AFF3: variants seen among roughly 807,000 people sequenced by gnomAD.
The protein encoded by AFF3 is AF4/FMR2 family member 3.
Under a neutral mutation model 129.7 loss-of-function variants are expected in AFF3, and 32 were observed. The observed-to-expected ratio is 0.25, with a 90% confidence interval of 0.19 to 0.33. The LOEUF (loss-of-function observed/expected upper bound fraction) is 0.33, where lower values mean the gene tolerates loss of function less well. AFF3 is among the 10% of genes least tolerant of loss of function. The pLI is 1.00. For synonymous variants in AFF3, 644 were observed against 635.4 expected (o/e 1.01, Z -0.20); for missense variants, 1,373 against 1,592.0 (o/e 0.86, Z 2.34).
chr2:99,817,458 C>T (rs1687329310), intron 8 of AFF3, among the ~76,000 whole-genome samples: 1 of 152,198 alleles, frequency 6.6e-6, no homozygotes. Flanking sequence ...AAGGAGTTTT[C>T]TGTTTCTTTG....
At chr2:100,107,403 A>T (rs1261181203) in intron 2 of AFF3, 1 of 985,280 alleles carries the variant, frequency 1.0e-6, no homozygotes, top group Non-Finnish European at 1.2e-6. Flanking sequence ...TACAAAGCAA[A>T]AAAAGGGTTT....
At chr2:99,687,900 C>T (rs527441774) in intron 11 of AFF3, among the ~76,000 whole-genome samples, 5 of 152,234 alleles carry the variant, frequency 3.3e-5, no homozygotes, top group Non-Finnish European at 5.9e-5. Flanking sequence ...TGGAGTGCAG[C>T]GGCGTGATCT....
intron 4 of AFF3, among the ~76,000 whole-genome samples, chr2:100,050,469 C>T (rs950243500): frequency 1.3e-5 from 2 of 151,950 alleles, no homozygotes; most frequent in Admixed American, 6.5e-5. Context: ...TTTTAGATCC[C>T]AGAAAGAATC....
intron 12 of AFF3, among the ~76,000 whole-genome samples, chr2:99,670,772 T>TAGG (rs1575652691): frequency 6.6e-6 from 1 of 152,120 alleles, no homozygotes; most frequent in East Asian, 1.9e-4. Flanking sequence ...GAGTCTTAAT[T>TAGG]AGGAAAAAGG....
intron 4 of AFF3, among the ~76,000 whole-genome samples, chr2:100,094,075 C>G (rs201493471): frequency 0.028 from 3,802 of 136,284 alleles, no homozygotes; most frequent in African/African-American, 0.081. Flanking sequence ...GAGCTGTATC[C>G]TCCTTTAAGG....
chr2:99,639,638 G>A (rs1683995793), intron 13 of AFF3, among the ~76,000 whole-genome samples: 1 of 151,894 alleles, frequency 6.6e-6, no homozygotes, highest in Non-Finnish European at 1.5e-5. Context: ...AGCTGGAAAG[G>A]TGTCAGGATA....
chr2:100,120,105 C>G (rs985741634), intron 2 of AFF3, among the ~76,000 whole-genome samples: 4 of 152,166 alleles, frequency 2.6e-5, no homozygotes, highest in African/African-American at 9.7e-5. Flanking sequence ...ATAGTCCATA[C>G]GAGAAGTATT....
At chr2:99,857,723 T>C (rs1690632976) in intron 7 of AFF3, among the ~76,000 whole-genome samples, 1 of 152,152 alleles carries the variant, frequency 6.6e-6, no homozygotes, top group Admixed American at 6.5e-5. Context: ...GTCCTAAAAA[T>C]AATTAATCAT....
At chr2:99,781,061 T>C (rs948959919) in intron 8 of AFF3, among the ~76,000 whole-genome samples, 1 of 152,206 alleles carries the variant, frequency 6.6e-6, no homozygotes, top group African/African-American at 2.4e-5. Flanking sequence ...GTTCCCTCCA[T>C]GACTCAGTAC....
At chr2:100,049,640 C>T (rs1270154879) in intron 4 of AFF3, among the ~76,000 whole-genome samples, 1 of 152,124 alleles carries the variant, frequency 6.6e-6, no homozygotes, top group Non-Finnish European at 1.5e-5. Flanking sequence ...TTCAAATGTT[C>T]AGAAAACAAA....
intron 4 of AFF3, among the ~76,000 whole-genome samples, chr2:100,034,203 A>G (rs1684731993): frequency 6.6e-6 from 1 of 152,220 alleles, no homozygotes; most frequent in African/African-American, 2.4e-5. Context: ...TGCCAAAGAA[A>G]ATCAATCTCT....
At chr2:99,970,977 T>C in intron 7 of AFF3, among the ~76,000 whole-genome samples, 1 of 152,234 alleles carries the variant, frequency 6.6e-6, no homozygotes, top group East Asian at 1.9e-4. Flanking sequence ...TTGAAATATC[T>C]TTCCTGCCTG....
intron 8 of AFF3, among the ~76,000 whole-genome samples, chr2:99,761,160 C>T (rs1022312141): frequency 6.6e-6 from 1 of 151,450 alleles, no homozygotes; most frequent in Non-Finnish European, 1.5e-5. Context: ...TGTCTAGTTA[C>T]TCAAGGGATA....
At chr2:100,136,551 A>G (rs1397630632) in intron 1 of AFF3, among the ~76,000 whole-genome samples, 1 of 152,176 alleles carries the variant, frequency 6.6e-6, no homozygotes, top group Non-Finnish European at 1.5e-5. Flanking sequence ...CATATTCTAA[A>G]TGGACACATG....
At chr2:99,951,204 A>C (rs1214692983) in intron 7 of AFF3, among the ~76,000 whole-genome samples, 1 of 152,236 alleles carries the variant, frequency 6.6e-6, no homozygotes, top group Non-Finnish European at 1.5e-5. Flanking sequence ...GTTTCCCTTG[A>C]AAATATCTTT....
At chr2:99,736,866 T>C (rs1234399206) in intron 10 of AFF3, among the ~76,000 whole-genome samples, 1 of 152,190 alleles carries the variant, frequency 6.6e-6, no homozygotes, top group Admixed American at 6.5e-5. Flanking sequence ...CACCTCGGTC[T>C]CCCAAACTGC....
chr2:100,060,461 A>G (rs1451167772), intron 4 of AFF3, among the ~76,000 whole-genome samples: 1 of 152,166 alleles, frequency 6.6e-6, no homozygotes, highest in Non-Finnish European at 1.5e-5. Context: ...TAACCGGGCT[A>G]CCTTTTCCAC....
chr2:99,714,968 T>G (rs887228907), intron 11 of AFF3, among the ~76,000 whole-genome samples: 1 of 152,250 alleles, frequency 6.6e-6, no homozygotes, highest in Non-Finnish European at 1.5e-5. Context: ...CCTCTGGGCA[T>G]CATCCAGACC....
intron 7 of AFF3, among the ~76,000 whole-genome samples, chr2:99,844,434 C>T (rs377483060): frequency 1.5e-4 from 14 of 92,448 alleles, no homozygotes; most frequent in South Asian, 4.1e-4. Flanking sequence ...TTTTTCTTTT[C>T]TTTTTTTTTT....
Sources: gnomAD v4.1 joint callset for allele counts (sites outside exome capture counted in the v4.1 genomes callset) on GRCh38, gnomAD v4.1.1 for gene constraint, MANE v1.5 for transcripts, NCBI Gene and HGNC (gene_info 2026-07-23, HGNC 2026-07-21) for gene names.